PARN: variants seen among roughly 807,000 people sequenced by gnomAD.
PARN encodes the protein poly(A)-specific ribonuclease PARN.
PARN carries 71 observed loss-of-function variants against 102.8 expected under a neutral mutation model. The observed-to-expected ratio is 0.69, with a 90% CI of 0.57 to 0.84. The LOEUF is 0.84. Ranked by LOEUF, PARN falls within the 40% of genes least tolerant of loss-of-function variation. The pLI is 0.00. For missense variants in PARN, 782 were observed against 760.9 expected, an observed-to-expected ratio of 1.03 and a Z score of -0.33; for synonymous variants, 261 against 252.9, an observed-to-expected ratio of 1.03 and a Z score of -0.30.
chr16:14,439,380 A>G (rs1567280019), intron 23 of PARN, among the ~76,000 whole-genome samples: 1 of 150,730 alleles, frequency 6.6e-6, no homozygotes, highest in Non-Finnish European at 1.5e-5. Flanking sequence ...TCGCACAAAA[A>G]AAAAAAAAAA....
intron 21 of PARN, among the ~76,000 whole-genome samples, chr16:14,532,830 G>A (rs1332593457): frequency 1.3e-5 from 2 of 150,358 alleles, no homozygotes; most frequent in African/African-American, 2.4e-5. Context: ...CCTCCCTCCC[G>A]GACGGGGTGG....
intron 9 of PARN, among the ~76,000 whole-genome samples, chr16:14,606,948 A>C (rs1339006332): frequency 6.6e-6 from 1 of 151,674 alleles, no homozygotes; most frequent in Admixed American, 6.6e-5. Flanking sequence ...CACCCAGCTA[A>C]TTTTTTGTAT....
intron 12 of PARN, among the ~76,000 whole-genome samples, chr16:14,594,560 C>T (rs1970391650): frequency 6.6e-6 from 1 of 152,022 alleles, no homozygotes; most frequent in Non-Finnish European, 1.5e-5. Context: ...ACTAAAAACA[C>T]AAAAAATTAG....
At chr16:14,488,068 A>T (rs1276081367) in intron 21 of PARN, among the ~76,000 whole-genome samples, 1 of 152,262 alleles carries the variant, frequency 6.6e-6, no homozygotes, top group Non-Finnish European at 1.5e-5. Context: ...GTGCTGAGAT[A>T]AACTGACCAA....
intron 22 of PARN, among the ~76,000 whole-genome samples, chr16:14,469,583 CTT>C (rs948860844): frequency 9.9e-5 from 15 of 152,194 alleles, no homozygotes; most frequent in Admixed American, 3.9e-4. Context: ...CAAGGACAAA[CTT>C]GGCTTTGGGC....
chr16:14,585,980 C>CTTT (rs772896503), intron 14 of PARN, among the ~76,000 whole-genome samples: 27 of 127,222 alleles, frequency 2.1e-4, no homozygotes, highest in African/African-American at 3.3e-4. Context: ...CACAATGACT[C>CTTT]TTTTTTTTTT....
In PARN at chr16:14,606,508, A is replaced by G; in HGVS notation, c.678T>C (p.His226=). The G allele has an allele frequency of 1.9e-6, 3 of 1,577,972 alleles. No individual in the cohort carries two copies. The highest frequency in any genetic ancestry group is 8.7e-7 in the Non-Finnish European group (1 of 1,154,550). The change falls in exon 10 of 24, where the codon CAT becomes CAC. Residue 226 remains histidine (H), a synonymous_variant. Coordinates refer to ENST00000437198, the MANE Select transcript of PARN (RefSeq NM_002582.4). The stretch of plus-strand genomic sequence containing the variant: ...CCTTTTCAGTTTCTAAAGTCTCAAC[A>G]TGAATGCCTTTCGGATACCTAAAGA... The part of the protein sequence containing the change: ...TLSWKYPKGI[H]VETLETEKKE...
chr16:14,531,635 T>A (rs1410382025), intron 21 of PARN, among the ~76,000 whole-genome samples: 1 of 152,102 alleles, frequency 6.6e-6, no homozygotes, highest in African/African-American at 2.4e-5. Context: ...ATAGAAACTG[T>A]TTGGGTACGT....
At position 14,467,830 on chromosome 16, in the gene PARN, A is replaced by G. The variant is rs568089077; in HGVS notation, c.1670+14808T>C. Among the ~76,000 whole-genome samples, 17 of 152,344 alleles carry G rather than the reference A, an allele frequency of 1.1e-4. No individual in the cohort carries two copies. The South Asian group carries it at 3.5e-3, about 32-fold the overall frequency. On this transcript the variant is annotated intron_variant, in intron 22 of 23. Coordinates refer to ENST00000437198, the MANE Select transcript of PARN (RefSeq NM_002582.4). ...TTGAAAACATTCCTAACACGACTTT[A>G]TACTGTTAAAAGAAAGAAAACAGTC...
At chr16:14,628,644 A>C (rs1596937786) in intron 2 of PARN, among the ~76,000 whole-genome samples, 1 of 152,354 alleles carries the variant, frequency 6.6e-6, no homozygotes, top group East Asian at 1.9e-4. Context: ...GGAGTGGTTA[A>C]TATCTATGCA....
At chr16:14,501,455 A>AAAAAAAAAAAAAAAAAAAC (rs1964603339) in intron 21 of PARN, 1 of 143,652 alleles carries the variant, frequency 7.0e-6, no homozygotes, top group African/African-American at 2.5e-5. Context: ...AAAAAAAAAA[A>AAAAAAAAAAAAAAAAAAAC]AAAAACAGAA....
chr16:14,610,594 C>A, intron 7 of PARN, 50 bp downstream of exon 7: 2 of 1,159,190 alleles, frequency 1.7e-6, no homozygotes, highest in South Asian at 1.3e-5. Context: ...TGCCTGTCAT[C>A]CCCAATATAT....
At chr16:14,490,421 T>C (rs575448352) in intron 21 of PARN, among the ~76,000 whole-genome samples, 1 of 152,284 alleles carries the variant, frequency 6.6e-6, no homozygotes, top group South Asian at 2.1e-4. Flanking sequence ...CAGGCATACA[T>C]CTGTCTGCAA....
At chr16:14,599,337 C>T (rs1416653204) in intron 12 of PARN, among the ~76,000 whole-genome samples, 1 of 152,132 alleles carries the variant, frequency 6.6e-6, no homozygotes, top group African/African-American at 2.4e-5. Context: ...GCCACTATGC[C>T]CGGCCGCCTG....
At chr16:14,462,935 C>T (rs916726394) in intron 22 of PARN, among the ~76,000 whole-genome samples, 11 of 152,160 alleles carry the variant, frequency 7.2e-5, no homozygotes, top group African/African-American at 2.7e-4. Flanking sequence ...CGAGGTGAAC[C>T]CAGTGACTGC....
intron 21 of PARN, among the ~76,000 whole-genome samples, chr16:14,498,396 ACCGTCCCTTG>A (rs887846054): frequency 1.3e-5 from 2 of 152,026 alleles, no homozygotes; most frequent in African/African-American, 4.8e-5. Context: ...GTTCCCTTTA[ACCGTCCCTTG>A]CCATGCTCCT....
chr16:14,466,724 C>T (rs1655334384), intron 22 of PARN, among the ~76,000 whole-genome samples: 1 of 152,214 alleles, frequency 6.6e-6, no homozygotes, highest in South Asian at 2.1e-4. Context: ...ATTCCACAAT[C>T]ATTAACATTT....
At chr16:14,488,056 T>C (rs1963820611) in intron 21 of PARN, among the ~76,000 whole-genome samples, 1 of 152,144 alleles carries the variant, frequency 6.6e-6, no homozygotes, top group African/African-American at 2.4e-5. Context: ...AGTGGAGTAA[T>C]GGTGCTGAGA....
chr16:14,622,529 G>C (rs1424630677), intron 5 of PARN, among the ~76,000 whole-genome samples: 1 of 152,194 alleles, frequency 6.6e-6, no homozygotes, highest in Non-Finnish European at 1.5e-5. Context: ...ATTTGAGACG[G>C]AGTCTCGCTC....
Sources: gnomAD v4.1 joint callset for allele counts (sites outside exome capture counted in the v4.1 genomes callset) on GRCh38, gnomAD v4.1.1 for gene constraint, MANE v1.5 for transcripts, NCBI Gene and HGNC (gene_info 2026-07-23, HGNC 2026-07-21) for gene names.